Variants in LRMDA observed in about 807,000 individuals in gnomAD.
The protein encoded by LRMDA is leucine-rich melanocyte differentiation-associated protein.
A neutral mutation model predicts 29.8 loss-of-function variants in LRMDA; 18 were observed. The observed-to-expected ratio is 0.60, with a 90% confidence interval of 0.42 to 0.90. The LOEUF is 0.90. Ranked by LOEUF, LRMDA falls within the 40% of genes least tolerant of loss-of-function variation. LRMDA has a pLI of 0.00. For synonymous variants in LRMDA, 125 were observed against 109.4 expected (o/e 1.14, Z -0.89); for missense variants, 273 against 273.9 (o/e 1.00, Z 0.02).
intron 2 of LRMDA, among the ~76,000 whole-genome samples, chr10:75,981,106 T>C (rs1430083362): frequency 1.3e-5 from 2 of 152,228 alleles, no homozygotes; most frequent in African/African-American, 4.8e-5. Flanking sequence ...ATTAAAGTGG[T>C]TCACTTTTAC....
intron 5 of LRMDA, among the ~76,000 whole-genome samples, chr10:76,134,201 G>A (rs1850051894): frequency 1.3e-5 from 2 of 152,240 alleles, no homozygotes; most frequent in Non-Finnish European, 2.9e-5. Context: ...TCCAGTTTCT[G>A]AGAGAATTTC....
At chr10:75,923,060 C>A (rs1444872483) in intron 2 of LRMDA, among the ~76,000 whole-genome samples, 2 of 152,182 alleles carry the variant, frequency 1.3e-5, no homozygotes, top group Non-Finnish European at 2.9e-5. Context: ...TCACATAATT[C>A]ATCAGTGTCT....
intron 5 of LRMDA, among the ~76,000 whole-genome samples, chr10:76,254,656 A>G (rs1852557949): frequency 6.6e-6 from 1 of 152,098 alleles, no homozygotes; most frequent in African/African-American, 2.4e-5. Context: ...TGTTCACTAA[A>G]TGCACTTCTG....
chr10:75,748,556 C>G lies in LRMDA; in HGVS notation c.132-287452C>G, dbSNP rs575447246. Among the ~76,000 whole-genome samples the G allele has an allele frequency of 3.3e-5, 5 of 152,196 alleles. No homozygotes were observed. The South Asian group carries it at 1.0e-3, about 32-fold the overall frequency. On this transcript the variant is annotated intron_variant, in intron 2 of 6. Coordinates refer to ENST00000611255, the MANE Select transcript of LRMDA (RefSeq NM_001305581.2). The stretch of plus-strand genomic sequence containing the variant: ...ATTAAAAAAACCATTTAGGGCCAGG[C>G]CCTGTGCTTCTCATTTCTACAACCT...
At chr10:76,428,683 A>G (rs551958344) in intron 6 of LRMDA, among the ~76,000 whole-genome samples, 2 of 152,274 alleles carry the variant, frequency 1.3e-5, no homozygotes, top group South Asian at 4.1e-4. Flanking sequence ...CTGAGGATGC[A>G]AAAAAGAGAA....
intron 2 of LRMDA, among the ~76,000 whole-genome samples, chr10:75,606,464 C>T (rs1047534654): frequency 7.9e-5 from 12 of 152,194 alleles, no homozygotes; most frequent in African/African-American, 2.9e-4. Context: ...TTCTCACTGA[C>T]TCCCAGTTTC....
chr10:75,578,574 A>T (rs566915763), intron 2 of LRMDA, among the ~76,000 whole-genome samples: 1 of 152,150 alleles, frequency 6.6e-6, no homozygotes, highest in Non-Finnish European at 1.5e-5. Flanking sequence ...AGAACTCTCC[A>T]CCCCAAATCA....
intron 2 of LRMDA, among the ~76,000 whole-genome samples, chr10:75,508,703 G>C (rs1310206552): frequency 6.6e-6 from 1 of 152,186 alleles, no homozygotes; most frequent in East Asian, 1.9e-4. Context: ...TGCTGTATGA[G>C]TGTGCCTGTC....
chr10:75,916,569 C>T (rs2132383675), intron 2 of LRMDA, among the ~76,000 whole-genome samples: 1 of 152,306 alleles, frequency 6.6e-6, no homozygotes, highest in Non-Finnish European at 1.5e-5. Context: ...ACCAGGGCTG[C>T]CTGGCACATA....
chr10:75,575,115 T>G (rs1460479001), intron 2 of LRMDA, among the ~76,000 whole-genome samples: 2 of 152,150 alleles, frequency 1.3e-5, no homozygotes, highest in Non-Finnish European at 2.9e-5. Context: ...GAGAACTCAC[T>G]ATGGCGACCA....
intron 2 of LRMDA, among the ~76,000 whole-genome samples, chr10:75,699,871 G>A (rs4745793): frequency 0.038 from 5,728 of 152,262 alleles, 268 homozygotes; most frequent in African/African-American, 0.11. Flanking sequence ...TAATGGTGAG[G>A]CAGAGGGAAA....
intron 6 of LRMDA, among the ~76,000 whole-genome samples, chr10:76,490,850 C>T (rs919147155): frequency 6.6e-6 from 1 of 151,876 alleles, no homozygotes; most frequent in African/African-American, 2.4e-5. Flanking sequence ...GTCATCTCTT[C>T]CTTCTTTCCT....
At chr10:76,173,058 T>TA (rs34848972) in intron 5 of LRMDA, among the ~76,000 whole-genome samples, 54,096 of 150,090 alleles carry the variant, frequency 0.36, 11,194 homozygotes, top group East Asian at 0.76. Flanking sequence ...GTTAAGAAGA[T>TA]AAAAAAAAAG....
intron 5 of LRMDA, among the ~76,000 whole-genome samples, chr10:76,304,529 C>T (rs1429377687): frequency 6.6e-6 from 1 of 152,064 alleles, no homozygotes; most frequent in Non-Finnish European, 1.5e-5. Context: ...ACTGAGAAGC[C>T]CTGTTTGCAG....
intron 2 of LRMDA, among the ~76,000 whole-genome samples, chr10:75,609,491 T>C (rs945869459): frequency 6.6e-5 from 10 of 152,236 alleles, no homozygotes; most frequent in African/African-American, 2.4e-4. Flanking sequence ...CTCCAGCACC[T>C]ACTTCTAGAA....
At chr10:75,910,252 T>C (rs1333708626) in intron 2 of LRMDA, among the ~76,000 whole-genome samples, 1 of 152,220 alleles carries the variant, frequency 6.6e-6, no homozygotes, top group African/African-American at 2.4e-5. Context: ...GTAATTCCTA[T>C]GTGGCTCTTT....
chr10:75,773,700 C>T (rs1051934273), intron 2 of LRMDA, among the ~76,000 whole-genome samples: 10 of 152,134 alleles, frequency 6.6e-5, no homozygotes, highest in African/African-American at 1.9e-4. Flanking sequence ...GTTTACTCTG[C>T]CTCCCCTCTT....
intron 2 of LRMDA, chr10:75,782,801 A>G (rs1028582849): frequency 1.4e-6 from 2 of 1,425,414 alleles, no homozygotes; most frequent in Non-Finnish European, 1.8e-6. Context: ...CGCAACTTTC[A>G]CTTGTTGAGA....
rs141125447 is a variant in LRMDA at position 76,479,662 on chromosome 10, T to C, written c.602-77547T>C. The stretch of plus-strand genomic sequence containing the variant: ...TGAAGGGCTGCAATTTTTAACTAGC[T>C]TACTAGAACCTAATCTGAAATGTTC... On this transcript the variant is annotated intron_variant, in intron 6 of 6. Coordinates refer to ENST00000611255, the MANE Select transcript of LRMDA (RefSeq NM_001305581.2). Among the ~76,000 whole-genome samples the C allele has an allele frequency of 2.8e-3, 428 of 152,066 alleles. 4 individuals carry two copies. Among genetic ancestry groups the C allele is most frequent in the African/African-American group, 9.6e-3 (400 of 41,534 alleles).
Sources: allele counts gnomAD v4.1 joint callset (sites outside exome capture counted in the v4.1 genomes callset), GRCh38; gene constraint gnomAD v4.1.1; transcripts MANE v1.5; gene names NCBI Gene and HGNC (gene_info 2026-07-23, HGNC 2026-07-21).